Variants in COLEC12 observed in about 807,000 individuals in gnomAD.
COLEC12 encodes collectin-12.
A neutral mutation model predicts 71.1 loss-of-function variants in COLEC12; 33 were observed. That is an observed-to-expected ratio of 0.46 (90% confidence interval 0.35 to 0.62). COLEC12 has a LOEUF of 0.62. COLEC12 is among the 20% of genes least tolerant of loss of function. The pLI is 0.00. For missense variants in COLEC12, 765 were observed against 916.1 expected (o/e 0.84, Z 2.13); for synonymous variants, 350 against 353.0 (o/e 0.99, Z 0.10).
rs1174439079 is a variant in COLEC12, at chr18:480,296, C to T, written c.58+411G>A. ...GTCCAGGCAGATTCTTGGAAGAAGT[C>T]TCCCTCTCACTCATCCATGAACACT... is the stretch of plus-strand genomic sequence containing the variant. On this transcript the variant is annotated intron_variant, in intron 2 of 9. Transcript: ENST00000400256. The surrounding 1 kb of genome is among the most constrained non-coding windows in gnomAD (Gnocchi z 4.1). 1.3e-5 allele frequency among the ~76,000 whole-genome samples: 2 copies of T among 152,252 alleles called. No individual in the cohort carries two copies. The highest frequency in any genetic ancestry group is 1.3e-4 in the Admixed American group (2 of 15,284).
intron 2 of COLEC12, among the ~76,000 whole-genome samples, chr18:441,272 TA>T (rs1029949775): frequency 6.6e-6 from 1 of 151,502 alleles, no homozygotes; most frequent in Non-Finnish European, 1.5e-5. Flanking sequence ...TAAATAATAA[TA>T]AAAAAATAAA....
At position 477,750 on chromosome 18, in the gene COLEC12, C is replaced by T. The variant is rs28612465; in HGVS notation, c.58+2957G>A. ...AAGCCCTGTGAGGTAGACTCACCTA[C>T]GTTGGCAGGTGTCCCCCTGCTGGTT... On this transcript the variant is annotated intron_variant, in intron 2 of 9. Coordinates refer to ENST00000400256, the MANE Select transcript of COLEC12 (RefSeq NM_130386.3). Among the ~76,000 whole-genome samples, 5 of 152,226 alleles carry T rather than the reference C, an allele frequency of 3.3e-5. No individual in the cohort carries two copies. The South Asian group carries it at 8.3e-4, about 25-fold the overall frequency.
chr18:376,626 C>T lies in COLEC12; in HGVS notation c.59-19104G>A, dbSNP rs7244565. On this transcript the variant is annotated intron_variant, in intron 2 of 9. Coordinates refer to ENST00000400256, the MANE Select transcript of COLEC12 (RefSeq NM_130386.3). ...TTTGTTCTTCCTTTGCTTCTCTGTCCTTGGGGAGCTCCCACCCTGCTTAGG... is the reference window on the plus strand; with the variant it reads ...TTTGTTCTTCCTTTGCTTCTCTGTCTTTGGGGAGCTCCCACCCTGCTTAGG... 8.9e-3 allele frequency among the ~76,000 whole-genome samples: 1,350 copies of T among 152,274 alleles called. 20 individuals carry two copies. The highest frequency in any genetic ancestry group is 0.029 in the African/African-American group (1,196 of 41,546).
At chr18:488,972 G>T (rs1917571586) in intron 1 of COLEC12, among the ~76,000 whole-genome samples, 1 of 152,142 alleles carries the variant, frequency 6.6e-6, no homozygotes, top group Admixed American at 6.5e-5. Flanking sequence ...GGAAGCACTG[G>T]AGGAGTAAGT....
At chr18:330,779 A>T (rs967607850) in intron 8 of COLEC12, among the ~76,000 whole-genome samples, 2 of 151,872 alleles carry the variant, frequency 1.3e-5, no homozygotes, top group African/African-American at 2.4e-5. Context: ...CTTATGGGGA[A>T]TCTTCAAACC....
intron 2 of COLEC12, among the ~76,000 whole-genome samples, chr18:416,651 G>A (rs973658658): frequency 6.6e-6 from 1 of 152,136 alleles, no homozygotes; most frequent in African/African-American, 2.4e-5. Context: ...CATGCTGGGC[G>A]GTGCCATGGG....
chr18:425,025 G>T (rs1175595103), intron 2 of COLEC12, among the ~76,000 whole-genome samples: 1 of 152,004 alleles, frequency 6.6e-6, no homozygotes, highest in African/African-American at 2.4e-5. Flanking sequence ...CCTGTACTTG[G>T]TTTTTTTCCT....
At chr18:363,479 A>C (rs774882190) in intron 2 of COLEC12, among the ~76,000 whole-genome samples, 16 of 152,256 alleles carry the variant, frequency 1.1e-4, no homozygotes, top group Non-Finnish European at 1.8e-4. Context: ...TGCAAAATCC[A>C]GAAAACCACA....
intron 3 of COLEC12, among the ~76,000 whole-genome samples, chr18:350,313 A>T (rs1224599850): frequency 1.3e-5 from 2 of 152,078 alleles, no homozygotes; most frequent in Non-Finnish European, 2.9e-5. Context: ...CCGTGTAAGA[A>T]GTGCCTTTTG....
At position 457,221 on chromosome 18, in the gene COLEC12, G is replaced by A. The variant is rs543317732; in HGVS notation, c.58+23486C>T. Among the ~76,000 whole-genome samples, 14 of 152,288 alleles carry A rather than the reference G, an allele frequency of 9.2e-5. No individual in the cohort carries two copies. The South Asian group carries it at 1.5e-3, about 16-fold the overall frequency. On this transcript the variant is annotated intron_variant, in intron 2 of 9. Transcript: ENST00000400256. ...CAGGCCTGACTGGGATTATGGACGC[G>A]AGCCGTGTAAATGGGAACGGAGCCC...
intron 2 of COLEC12, among the ~76,000 whole-genome samples, chr18:359,569 G>A (rs889241954): frequency 7.9e-5 from 12 of 152,190 alleles, no homozygotes; most frequent in African/African-American, 2.2e-4. Context: ...AAACATTCTT[G>A]TCTGAGTGGT....
chr18:370,535 T>C (rs116774104), intron 2 of COLEC12, among the ~76,000 whole-genome samples: 1,888 of 152,324 alleles, frequency 0.012, 50 homozygotes, highest in African/African-American at 0.041. Flanking sequence ...GATTCACTCA[T>C]ACATTTTATT....
At chr18:394,173 TAA>T (rs1915520263) in intron 2 of COLEC12, among the ~76,000 whole-genome samples, 1 of 152,172 alleles carries the variant, frequency 6.6e-6, no homozygotes, top group African/African-American at 2.4e-5. Context: ...AGCAATTGAG[TAA>T]AGTCAGAAAT....
intron 2 of COLEC12, among the ~76,000 whole-genome samples, chr18:445,635 C>CTTT (rs35766404): frequency 0.072 from 9,935 of 137,308 alleles, 591 homozygotes; most frequent in East Asian, 0.16. Context: ...CACTAATCCA[C>CTTT]TTTTTTTTTT....
At position 346,570 on chromosome 18, in the gene COLEC12, C is replaced by G. The variant is rs753093089; in HGVS notation, c.1052G>C (p.Ser351Thr). ...CGTCCGCAGGTGGTGGGCTGTGTAA[C>G]TGATATTGCTAATGATGTTCACAAT... ...TDIVNIISNI[S>T]YTAHHLRTLT... The change falls in exon 5 of 10, where the codon AGT becomes ACT. Residue 351 changes from serine to threonine, a missense_variant. Ser to Thr is a moderately conservative substitution (Grantham distance 58). Coordinates refer to ENST00000400256, the MANE Select transcript of COLEC12 (RefSeq NM_130386.3). This position sits in a 1 kb window ranked among gnomAD's most constrained non-coding sequence, Gnocchi z 4.0. The G allele has an allele frequency of 4.3e-6, 7 of 1,614,254 alleles. No homozygotes were observed. The highest frequency in any genetic ancestry group is 1.7e-5 in the Admixed American group (1 of 60,026).
In COLEC12 at chr18:319,335, A is replaced by ATATATATATATATAT. The variant is rs1354755711; in HGVS notation, c.*709_*710insATATATATATATATA. 2.4e-4 allele frequency: 10 copies of ATATATATATATATAT among 41,986 alleles called. No individual in the cohort carries two copies. Among genetic ancestry groups the ATATATATATATATAT allele is most frequent in the Non-Finnish European group, 5.4e-4 (8 of 14,788 alleles). The allele number at this position is 41,986 out of a possible 1,614,324, so 2.6% of individuals were successfully genotyped here. A position where few individuals can be genotyped will look rare whatever the true frequency, so the allele number is the denominator to read the frequency against. On this transcript the variant is annotated 3_prime_UTR_variant, in exon 10 of 10. Transcript: ENST00000400256. The stretch of plus-strand genomic sequence containing the variant: ...AAATGAAACATTAAAAAAAAAAAAA[A>ATATATATATATATAT]AAAAAAATATATATATATATATATA...
intron 8 of COLEC12, 90 bp from the exon 9 acceptor site, chr18:321,897 A>G: frequency 8.1e-7 from 1 of 1,235,524 alleles, no homozygotes; most frequent in Non-Finnish European, 1.1e-6. Flanking sequence ...AAAAAACAAA[A>G]TTGAAGCATG....
rs56853175 is a variant in COLEC12 at position 319,321 on chromosome 18, T to TAA, written c.*722_*723dup. On this transcript the variant is annotated 3_prime_UTR_variant, in exon 10 of 10. Coordinates refer to ENST00000400256, the MANE Select transcript of COLEC12 (RefSeq NM_130386.3). ...TGGTTCCTCTGAGGAAATGAAACAT[T>TAA]AAAAAAAAAAAAAAAAAAAAATATA... 5.4e-4 allele frequency: 45 copies of TAA among 84,060 alleles called. No homozygotes were observed. Among genetic ancestry groups the TAA allele is most frequent in the African/African-American group, 2.0e-3 (43 of 21,812 alleles). 5.2% of individuals were successfully genotyped at this position (84,060 alleles called of 1,614,324 possible).
intron 2 of COLEC12, among the ~76,000 whole-genome samples, chr18:469,086 T>G (rs913718256): frequency 1.3e-5 from 2 of 152,262 alleles, no homozygotes; most frequent in African/African-American, 2.4e-5. Flanking sequence ...CAGATTCTCA[T>G]ACCTCATCCC....
Sources: gnomAD v4.1 joint callset for allele counts (sites outside exome capture counted in the v4.1 genomes callset) on GRCh38, gnomAD v4.1.1 for gene constraint, Gnocchi (gnomAD v3.1) non-coding constraint, MANE v1.5 for transcripts, NCBI Gene and HGNC (gene_info 2026-07-23, HGNC 2026-07-21) for gene names.